ZDHHC14: variants seen among roughly 807,000 people sequenced by gnomAD.
ZDHHC14 encodes the protein palmitoyltransferase ZDHHC14.
In ZDHHC14, 16 loss-of-function variants were observed where a neutral mutation model predicts 47.7. The observed-to-expected ratio is 0.34, with a 90% CI of 0.23 to 0.51. The LOEUF (loss-of-function observed/expected upper bound fraction) is 0.51, where lower values mean the gene tolerates loss of function less well. Among genes scored for constraint, ZDHHC14 ranks in the 20% least tolerant of loss-of-function variants. ZDHHC14 has a pLI of 0.97. For synonymous variants in ZDHHC14, 293 were observed against 278.9 expected (o/e 1.05, Z -0.50); for missense variants, 515 against 662.5 (o/e 0.78, Z 2.44).
chr6:157,514,937 C>G (rs536254361), intron 1 of ZDHHC14, among the ~76,000 whole-genome samples: 2 of 152,318 alleles, frequency 1.3e-5, no homozygotes, highest in East Asian at 3.9e-4. Flanking sequence ...TCCGGAGACT[C>G]AGTGTTATCG....
intron 7 of ZDHHC14, among the ~76,000 whole-genome samples, chr6:157,651,688 C>G (rs1777845747): frequency 6.6e-6 from 1 of 152,192 alleles, no homozygotes; most frequent in African/African-American, 2.4e-5. Flanking sequence ...CCTGCCTCAG[C>G]CTCCCAAGTA....
intron 1 of ZDHHC14, among the ~76,000 whole-genome samples, chr6:157,501,441 A>G: frequency 6.6e-6 from 1 of 151,212 alleles, no homozygotes; most frequent in Admixed American, 6.6e-5. Context: ...AATCTGTTGT[A>G]TTCTAAATTA....
chr6:157,533,247 C>T (rs142298913), intron 1 of ZDHHC14, among the ~76,000 whole-genome samples: 4,230 of 152,228 alleles, frequency 0.028, 106 homozygotes, highest in African/African-American at 0.063. Flanking sequence ...GATACACGTC[C>T]TCATTGCATT....
chr6:157,522,301 A>T (rs1179853629), intron 1 of ZDHHC14, among the ~76,000 whole-genome samples: 1 of 152,248 alleles, frequency 6.6e-6, no homozygotes, highest in African/African-American at 2.4e-5. Context: ...TTTCACAACT[A>T]AAACTGAGAA....
chr6:157,456,447 C>A (rs955713248), intron 1 of ZDHHC14, among the ~76,000 whole-genome samples: 4 of 152,160 alleles, frequency 2.6e-5, no homozygotes, highest in Non-Finnish European at 4.4e-5. Context: ...TTGCCTCCCC[C>A]ATGGAGCCAG....
intron 1 of ZDHHC14, among the ~76,000 whole-genome samples, chr6:157,420,122 C>T (rs1778065644): frequency 6.6e-6 from 1 of 152,208 alleles, no homozygotes; most frequent in African/African-American, 2.4e-5. Flanking sequence ...AAAACCCTCA[C>T]AGTGGGAAAG....
chr6:157,392,931 GTGCA>G (rs1430263689), intron 1 of ZDHHC14, among the ~76,000 whole-genome samples: 2 of 152,048 alleles, frequency 1.3e-5, no homozygotes, highest in African/African-American at 4.8e-5. Context: ...CCAGGCTGGA[GTGCA>G]ATGGCGCCAT....
chr6:157,395,391 C>T (rs1363431616), intron 1 of ZDHHC14, among the ~76,000 whole-genome samples: 2 of 150,664 alleles, frequency 1.3e-5, no homozygotes, highest in Non-Finnish European at 3.0e-5. Context: ...GTCTCGAATT[C>T]CTGAGCTCAA....
intron 2 of ZDHHC14, among the ~76,000 whole-genome samples, chr6:157,590,284 G>A (rs964190346): frequency 6.6e-6 from 1 of 152,200 alleles, no homozygotes. Flanking sequence ...TGGGGAAAAT[G>A]TCTCCAGAGC....
chr6:157,519,464 G>A (rs1299500584), intron 1 of ZDHHC14, among the ~76,000 whole-genome samples: 1 of 151,998 alleles, frequency 6.6e-6, no homozygotes, highest in Non-Finnish European at 1.5e-5. Flanking sequence ...GTATTTACTT[G>A]CCCAGAGAGA....
intron 1 of ZDHHC14, among the ~76,000 whole-genome samples, chr6:157,414,314 C>T (rs1170395588): frequency 1.3e-5 from 2 of 152,228 alleles, no homozygotes; most frequent in East Asian, 1.9e-4. Context: ...TTGCTTTCTT[C>T]ATCTCTGAAA....
chr6:157,602,768 C>T (rs1784385650), intron 3 of ZDHHC14, among the ~76,000 whole-genome samples: 1 of 152,158 alleles, frequency 6.6e-6, no homozygotes, highest in African/African-American at 2.4e-5. Flanking sequence ...GAGGATGCTT[C>T]CTCTGAGCTT....
chr6:157,617,765 G>T (rs1298083811), intron 3 of ZDHHC14, among the ~76,000 whole-genome samples: 3 of 152,162 alleles, frequency 2.0e-5, no homozygotes, highest in Non-Finnish European at 4.4e-5. Context: ...CACGAGGGTG[G>T]GGGAGCTGGA....
chr6:157,432,224 T>C (rs1189671769), intron 1 of ZDHHC14, among the ~76,000 whole-genome samples: 2 of 152,188 alleles, frequency 1.3e-5, no homozygotes, highest in Non-Finnish European at 2.9e-5. Context: ...TATTTGAGTT[T>C]TTAAATAAAT....
At chr6:157,669,869 T>C (rs1013949719) in intron 8 of ZDHHC14, among the ~76,000 whole-genome samples, 3 of 152,180 alleles carry the variant, frequency 2.0e-5, no homozygotes, top group African/African-American at 7.2e-5. Flanking sequence ...TTACAGGAAA[T>C]GGGAGTGCCG....
At chr6:157,587,569 T>C (rs1349210832) in intron 2 of ZDHHC14, among the ~76,000 whole-genome samples, 1 of 152,196 alleles carries the variant, frequency 6.6e-6, no homozygotes, top group Non-Finnish European at 1.5e-5. Context: ...GCTCCACAGC[T>C]GTTCAGTTAT....
intron 4 of ZDHHC14, 159 bp downstream of exon 4, chr6:157,628,645 C>A: frequency 1.1e-6 from 1 of 923,770 alleles, no homozygotes; most frequent in Admixed American, 2.5e-5. Flanking sequence ...GCTTTTGTTT[C>A]TCACCCTCCT....
At chr6:157,492,647 C>A (rs1174029869) in intron 1 of ZDHHC14, among the ~76,000 whole-genome samples, 1 of 152,240 alleles carries the variant, frequency 6.6e-6, no homozygotes, top group Non-Finnish European at 1.5e-5. Context: ...GGGACTATTG[C>A]AGTGAACTAA....
At position 157,386,721 on chromosome 6, in the gene ZDHHC14, T is replaced by A. The variant is rs145001187; in HGVS notation, c.245+4455T>A. Among the ~76,000 whole-genome samples, 10 of 152,334 alleles carry A rather than the reference T, an allele frequency of 6.6e-5. No homozygotes were observed. The East Asian group carries it at 1.7e-3, about 26-fold the overall frequency. ...GCAGTGCTATCCAGACAGCTCACCC[T>A]CTTTGCAGCTATTAAGAGTCTCATC... On this transcript the variant is annotated intron_variant, in intron 1 of 8. Coordinates refer to ENST00000359775, the MANE Select transcript of ZDHHC14 (RefSeq NM_024630.3).
Sources: allele counts gnomAD v4.1 joint callset (sites outside exome capture counted in the v4.1 genomes callset), GRCh38; gene constraint gnomAD v4.1.1; transcripts MANE v1.5; gene names NCBI Gene and HGNC (gene_info 2026-07-23, HGNC 2026-07-21).